Variants in DNAH12 observed in about 807,000 individuals in gnomAD.
The protein encoded by DNAH12 is axonemal beta dynein heavy chain 12.
A neutral mutation model predicts 371.5 loss-of-function variants in DNAH12; 285 were observed. The ratio of observed to expected loss-of-function variants is 0.77; its 90% CI spans 0.70 to 0.85. The LOEUF is 0.85. DNAH12 is among the 40% of genes least tolerant of loss of function. The probability of loss-of-function intolerance (pLI) is 0.00; values close to 1 mark genes in which losing one functional copy is unlikely to be tolerated. For missense variants in DNAH12, 3,611 were observed against 3,689.4 expected (o/e 0.98, Z 0.55); for synonymous variants, 1,200 against 1,213.0 (o/e 0.99, Z 0.22).
rs1320263394 is a variant in DNAH12 at position 57,502,619 on chromosome 3, G to A, written c.1087-140C>T. ...GGTTGGAGCGCATTGGTGCGATCTCGGCTCACTGCAACCTCCGCCTCCCAG... is the reference window on the plus strand; with the variant it reads ...GGTTGGAGCGCATTGGTGCGATCTCAGCTCACTGCAACCTCCGCCTCCCAG... On this transcript the variant is annotated intron_variant, in intron 9 of 73. Transcript: ENST00000495027. 13 of 837,450 alleles carry A rather than the reference G, an allele frequency of 1.6e-5. No individual in the cohort carries two copies. The East Asian group carries it at 2.0e-4, about 13-fold the overall frequency. The allele number at this position is 837,450 out of a possible 1,614,324, so 51.9% of individuals were successfully genotyped here. A position where few individuals can be genotyped will look rare whatever the true frequency, so the allele number is the denominator to read the frequency against.
At chr3:57,344,105 C>G (rs1487372501) in intron 60 of DNAH12, among the ~76,000 whole-genome samples, 1 of 152,262 alleles carries the variant, frequency 6.6e-6, no homozygotes, top group Non-Finnish European at 1.5e-5. Context: ...TCCCCTGGAC[C>G]CACTGTTGTT....
chr3:57,447,446 A>G (rs1322100375), intron 25 of DNAH12, among the ~76,000 whole-genome samples: 3 of 152,294 alleles, frequency 2.0e-5, no homozygotes, highest in East Asian at 3.9e-4. Context: ...TTTTAGAAAA[A>G]GTACGGCTAA....
chr3:57,465,403 C>T (rs114937199), intron 17 of DNAH12, among the ~76,000 whole-genome samples: 3,935 of 152,104 alleles, frequency 0.026, 70 homozygotes, highest in Non-Finnish European at 0.034. Flanking sequence ...AATAAAACTT[C>T]CCAATTTGTT....
chr3:57,433,684 CATAGTA>C lies in DNAH12; in HGVS notation c.4794_4799del (p.Ile1598_Thr1599del). Reference sequence around the variant, plus strand: ...GGTCAAACTGTCCAAAAAGTTGGCCCATAGTAATAGATTTGGGGTTTACAGTTCTAT... The same window carrying C: ...GGTCAAACTGTCCAAAAAGTTGGCCCATAGATTTGGGGTTTACAGTTCTAT... On this transcript the variant is annotated inframe_deletion, in exon 31 of 74. Coordinates refer to ENST00000495027, the MANE Select transcript of DNAH12 (RefSeq NM_001366028.2). 1.3e-6 allele frequency: 2 copies of C among 1,550,606 alleles called. No homozygotes were observed. The highest frequency in any genetic ancestry group is 1.7e-6 in the Non-Finnish European group (2 of 1,146,808).
intron 2 of DNAH12, chr3:57,530,669 G>T: frequency 2.2e-6 from 1 of 453,650 alleles, no homozygotes; most frequent in Non-Finnish European, 4.0e-6. Context: ...CACTGAGCAC[G>T]ATGCAGTTCT....
chr3:57,393,716 C>A (rs912264639), intron 44 of DNAH12, among the ~76,000 whole-genome samples: 10 of 150,584 alleles, frequency 6.6e-5, no homozygotes, highest in African/African-American at 2.5e-4. Context: ...GCAGACACGT[C>A]ACCATTGTAT....
intron 12 of DNAH12, among the ~76,000 whole-genome samples, chr3:57,487,013 C>A (rs565594288): frequency 6.6e-6 from 1 of 152,028 alleles, no homozygotes; most frequent in African/African-American, 2.4e-5. Context: ...GGAAGAAAAA[C>A]CAGCAAGGAC....
Position 57,402,463 on chromosome 3 carries a change from C to T in DNAH12, c.6948+846G>A. 6.2e-6 allele frequency: 8 copies of T among 1,292,842 alleles called. 1 individual carries two copies. The highest frequency in any genetic ancestry group is 7.1e-6 in the Non-Finnish European group (7 of 979,706). 80.1% of individuals were successfully genotyped at this position (1,292,842 alleles called of 1,614,324 possible). Reference sequence around the variant, plus strand: ...ACTATTAAGATTACTACTAAGACAACATTAATGCCATCAACATCATCATCA... The same window carrying T: ...ACTATTAAGATTACTACTAAGACAATATTAATGCCATCAACATCATCATCA... On this transcript the variant is annotated intron_variant, in intron 43 of 73. Coordinates refer to ENST00000495027, the MANE Select transcript of DNAH12 (RefSeq NM_001366028.2).
At chr3:57,490,366 G>A (rs2067074848) in intron 11 of DNAH12, among the ~76,000 whole-genome samples, 1 of 152,074 alleles carries the variant, frequency 6.6e-6, no homozygotes, top group Non-Finnish European at 1.5e-5. Flanking sequence ...AGGAACAGAT[G>A]CTCTGCAATT....
rs1266589503 is a variant in DNAH12 at position 57,328,675 on chromosome 3, A to G, written c.9979-5056T>C. ...CAAGACAGGGATGCCCTCTCTCACC[A>G]CTCCTATTCAACATAGTGTTGGAAG... On this transcript the variant is annotated intron_variant, in intron 62 of 73. Coordinates refer to ENST00000495027, the MANE Select transcript of DNAH12 (RefSeq NM_001366028.2). Among the ~76,000 whole-genome samples, 77 of 140,928 alleles carry G rather than the reference A, an allele frequency of 5.5e-4. 2 individuals are homozygous for G. Among genetic ancestry groups the G allele is most frequent in the Non-Finnish European group, 1.5e-4 (10 of 65,104 alleles). The allele number at this position is 140,928 out of a possible 152,430, so 92.5% of individuals were successfully genotyped here.
At chr3:57,323,370 T>G (rs972591730) in intron 63 of DNAH12, 99 bp downstream of exon 63, 2 of 1,472,328 alleles carry the variant, frequency 1.4e-6, no homozygotes, top group African/African-American at 2.9e-5. Context: ...TCTCTGTAAA[T>G]ATCAGATTTA....
In DNAH12 at chr3:57,323,496, G is replaced by C. The variant is rs1202321550; in HGVS notation, c.10102C>G (p.Leu3368Val). ...SNCTIPLIFVLSPGADPMASL... is the reference protein window; with the variant it reads ...SNCTIPLIFVVSPGADPMASL... ...GCCATAGGATCTGCTCCTGGAGATAGAACAAAAATTAAGGGAATGGTGCAA... is the reference window on the plus strand; with the variant it reads ...GCCATAGGATCTGCTCCTGGAGATACAACAAAAATTAAGGGAATGGTGCAA... Residue 3368 changes from leucine to valine, a missense_variant, in exon 63 of 74, where the codon CTA (leucine) becomes GTA (valine). Physicochemically the swap from Leu to Val is conservative, Grantham distance 32 (BLOSUM62 1). Transcript: ENST00000495027. The C allele has an allele frequency of 1.9e-6, 3 of 1,550,004 alleles. No homozygotes were observed. In the East Asian group the frequency reaches 7.3e-5, roughly 38 times the overall value.
intron 60 of DNAH12, among the ~76,000 whole-genome samples, chr3:57,346,535 A>T (rs111685333): frequency 7.4e-6 from 1 of 134,716 alleles, no homozygotes; most frequent in Non-Finnish European, 1.5e-5. Context: ...AGAGGAAAAC[A>T]GTAACAACAA....
At position 57,509,264 on chromosome 3, in the gene DNAH12, T is replaced by G. The variant is rs1383588688; in HGVS notation, c.470-52A>C. ...TCTTGAAAATCTCTGCACAATCTAT[T>G]AATATCAAAGTTTCTAACTTTTGAT... On this transcript the variant is annotated intron_variant, in intron 5 of 73. Coordinates refer to ENST00000495027, the MANE Select transcript of DNAH12 (RefSeq NM_001366028.2). 3.3e-6 allele frequency: 5 copies of G among 1,523,462 alleles called. No homozygotes were observed. In the Admixed American group the frequency reaches 9.5e-5, roughly 29 times the overall value. 94.4% of individuals were successfully genotyped at this position (1,523,462 alleles called of 1,614,324 possible). A position where few individuals can be genotyped will look rare whatever the true frequency, so the allele number is the denominator to read the frequency against.
chr3:57,548,493 G>T (rs1469549763), upstream of DNAH12, among the ~76,000 whole-genome samples: 3 of 152,170 alleles, frequency 2.0e-5, no homozygotes, highest in Admixed American at 1.3e-4. Flanking sequence ...AAGATCACTT[G>T]AGCCCTGGAG....
rs192973956 is a variant in DNAH12, at chr3:57,325,770, G to A, written c.9979-2151C>T. On this transcript the variant is annotated intron_variant, in intron 62 of 73. Coordinates refer to ENST00000495027, the MANE Select transcript of DNAH12 (RefSeq NM_001366028.2). ...AGAAGGCTTCAGACAATCAAACTAC[G>A]AGCTACAGGAGGAAATTCAAACCAA... Among the ~76,000 whole-genome samples the A allele has an allele frequency of 7.4e-3, 1,126 of 151,980 alleles. 13 individuals carry two copies. Among genetic ancestry groups the A allele is most frequent in the African/African-American group, 0.025 (1,044 of 41,510 alleles).
At position 57,483,294 on chromosome 3, in the gene DNAH12, C is replaced by T. The variant is rs537661688; in HGVS notation, c.1650+82G>A. ...GCTCAATTTACAGCTATTTGTGTAACTATATATTTTATACATCTTCACCAT... is the reference window on the plus strand; with the variant it reads ...GCTCAATTTACAGCTATTTGTGTAATTATATATTTTATACATCTTCACCAT... On this transcript the variant is annotated intron_variant, in intron 13 of 73. Transcript: ENST00000495027. The T allele has an allele frequency of 4.3e-5, 64 of 1,471,650 alleles. No homozygotes were observed. In the Admixed American group the frequency reaches 7.3e-4, roughly 17 times the overall value. 91.2% of individuals were successfully genotyped at this position (1,471,650 alleles called of 1,614,324 possible).
intron 17 of DNAH12, among the ~76,000 whole-genome samples, chr3:57,468,491 T>A (rs567621382): frequency 1.3e-5 from 2 of 152,178 alleles, no homozygotes; most frequent in East Asian, 1.9e-4. Flanking sequence ...GGTACACACC[T>A]GTAGCACCAG....
intron 59 of DNAH12, among the ~76,000 whole-genome samples, chr3:57,356,001 T>C (rs2062788483): frequency 6.6e-6 from 1 of 152,240 alleles, no homozygotes; most frequent in African/African-American, 2.4e-5. Context: ...ATAAGAAAAA[T>C]TGAGGCAATT....
Sources: gnomAD v4.1 joint callset for allele counts (sites outside exome capture counted in the v4.1 genomes callset) on GRCh38, gnomAD v4.1.1 for gene constraint, MANE v1.5 for transcripts, NCBI Gene and HGNC (gene_info 2026-07-23, HGNC 2026-07-21) for gene names.